PTPRN2: variants seen among roughly 807,000 people sequenced by gnomAD.
PTPRN2 encodes the protein receptor-type tyrosine-protein phosphatase N2.
Under a neutral mutation model 118.8 loss-of-function variants are expected in PTPRN2, and 74 were observed. The observed-to-expected ratio is 0.62, with a 90% confidence interval of 0.52 to 0.76. The LOEUF (loss-of-function observed/expected upper bound fraction) is 0.76. PTPRN2 is among the 30% of genes least tolerant of loss of function. The pLI, the probability that PTPRN2 is intolerant of heterozygous loss-of-function variation, is 0.00. For missense variants in PTPRN2, 1,481 were observed against 1,394.4 expected (o/e 1.06, Z -0.99); for synonymous variants, 641 against 608.0 (o/e 1.05, Z -0.80).
chr7:158,274,515 C>T (rs148335101), intron 3 of PTPRN2, among the ~76,000 whole-genome samples: 5 of 108,368 alleles, frequency 4.6e-5, no homozygotes, highest in African/African-American at 9.8e-5. Context: ...GCCACAGGCA[C>T]GGGGGAGCCG....
At chr7:158,238,151 C>A (rs1045920573) in intron 3 of PTPRN2, among the ~76,000 whole-genome samples, 10 of 152,092 alleles carry the variant, frequency 6.6e-5, no homozygotes, top group African/African-American at 2.4e-4. Flanking sequence ...CCGTGTCCGG[C>A]TCTGATTGGA....
chr7:158,248,428 CTTGT>C (rs1360680934), intron 3 of PTPRN2, among the ~76,000 whole-genome samples: 1 of 152,182 alleles, frequency 6.6e-6, no homozygotes, highest in African/African-American at 2.4e-5. Flanking sequence ...GGCCAGGAAG[CTTGT>C]TTCTCATTTA....
At chr7:157,896,919 C>T (rs1797164314) in intron 12 of PTPRN2, among the ~76,000 whole-genome samples, 1 of 152,114 alleles carries the variant, frequency 6.6e-6, no homozygotes, top group Admixed American at 6.5e-5. Context: ...CCAGAGTCTC[C>T]CATTCCCCGT....
At chr7:158,152,781 G>C (rs1237956850) in intron 6 of PTPRN2, among the ~76,000 whole-genome samples, 1 of 152,260 alleles carries the variant, frequency 6.6e-6, no homozygotes, top group Non-Finnish European at 1.5e-5. Flanking sequence ...CAAAAGAGCA[G>C]ACCAACAGAC....
intron 1 of PTPRN2, among the ~76,000 whole-genome samples, chr7:158,557,219 G>A (rs144010541): frequency 1.5e-3 from 202 of 133,374 alleles, no homozygotes; most frequent in African/African-American, 6.0e-3. Flanking sequence ...TCGCTCCCAC[G>A]CAGGTCAGAG....
rs1563131612 is a variant in PTPRN2, at chr7:158,319,509, C to CCT, written c.164-2578_164-2577insAG. On this transcript the variant is annotated intron_variant, in intron 2 of 22. Transcript: ENST00000389418. ...TCCCTCACACTCACACAGCCTCCCC[C>CCT]CACACACACAGCCTCCCTCACACAC... Among the ~76,000 whole-genome samples the CCT allele has an allele frequency of 4.5e-3, 168 of 37,042 alleles. 36 individuals are homozygous for CCT. Among genetic ancestry groups the CCT allele is most frequent in the African/African-American group, 0.02 (150 of 7,658 alleles). The allele number at this position is 37,042 out of a possible 152,430, so 24.3% of individuals were successfully genotyped here.
At chr7:158,056,018 C>A (rs187402909) in intron 11 of PTPRN2, among the ~76,000 whole-genome samples, 1 of 152,198 alleles carries the variant, frequency 6.6e-6, no homozygotes, top group African/African-American at 2.4e-5. Flanking sequence ...TGGGTGGAGT[C>A]CGGGCCGAGG....
intron 12 of PTPRN2, among the ~76,000 whole-genome samples, chr7:157,852,645 C>T (rs566955580): frequency 2.0e-5 from 3 of 152,110 alleles, no homozygotes; most frequent in Admixed American, 6.5e-5. Context: ...CTGAGAAGGG[C>T]GGATCACGAG....
chr7:158,323,796 T>C (rs1803230912), intron 2 of PTPRN2, among the ~76,000 whole-genome samples: 1 of 152,198 alleles, frequency 6.6e-6, no homozygotes, highest in African/African-American at 2.4e-5. Flanking sequence ...TCATATAGTC[T>C]GTGGGGCTGC....
At chr7:157,907,967 C>T (rs1464302827) in intron 11 of PTPRN2, among the ~76,000 whole-genome samples, 1 of 152,190 alleles carries the variant, frequency 6.6e-6, no homozygotes, top group Non-Finnish European at 1.5e-5. Flanking sequence ...ACCGACTTCC[C>T]CAAGCCTGTC....
chr7:158,108,230 C>G (rs1815846266), intron 10 of PTPRN2, among the ~76,000 whole-genome samples: 1 of 151,710 alleles, frequency 6.6e-6, no homozygotes, highest in Admixed American at 6.6e-5. Flanking sequence ...CTACAGCCCA[C>G]TCACCCACTA....
intron 18 of PTPRN2, among the ~76,000 whole-genome samples, chr7:157,577,364 T>C (rs1288418908): frequency 1.3e-5 from 2 of 152,220 alleles, no homozygotes; most frequent in Non-Finnish European, 2.9e-5. Flanking sequence ...CGCTTCCTGC[T>C]GTGGAGCTTT....
At chr7:157,614,498 G>A (rs1189468327) in intron 15 of PTPRN2, among the ~76,000 whole-genome samples, 2 of 152,198 alleles carry the variant, frequency 1.3e-5, no homozygotes, top group East Asian at 1.9e-4. Context: ...AACCCAAAAT[G>A]CAATGATGAA....
chr7:157,996,915 C>T (rs1273159864), intron 11 of PTPRN2, among the ~76,000 whole-genome samples: 1 of 152,184 alleles, frequency 6.6e-6, no homozygotes, highest in East Asian at 1.9e-4. Flanking sequence ...CATCCTAGGC[C>T]CGGGGCGGGT....
chr7:157,556,992 C>T (rs990155188), intron 21 of PTPRN2, among the ~76,000 whole-genome samples: 5 of 151,584 alleles, frequency 3.3e-5, no homozygotes, highest in Non-Finnish European at 5.9e-5. Flanking sequence ...CAATGTCATA[C>T]ATATGCACAT....
intron 4 of PTPRN2, among the ~76,000 whole-genome samples, chr7:158,197,028 A>ATGTGTG (rs139447211): frequency 1.3e-5 from 2 of 151,800 alleles, no homozygotes; most frequent in Admixed American, 6.6e-5. Context: ...ATATACATGT[A>ATGTGTG]TGTGTGTGTG....
intron 6 of PTPRN2, among the ~76,000 whole-genome samples, chr7:158,148,405 C>A (rs1173514717): frequency 9.8e-5 from 13 of 132,672 alleles, no homozygotes; most frequent in East Asian, 2.3e-4. Flanking sequence ...TCAATGACAC[C>A]CCATCTCACG....
chr7:158,339,993 C>T (rs1163476033), intron 2 of PTPRN2, among the ~76,000 whole-genome samples: 10 of 82,920 alleles, frequency 1.2e-4, no homozygotes, highest in Non-Finnish European at 2.3e-4. Context: ...CTGTCGCCCG[C>T]AGAAGTCACT....
At chr7:158,128,727 C>T (rs893244179) in intron 9 of PTPRN2, among the ~76,000 whole-genome samples, 87 of 152,268 alleles carry the variant, frequency 5.7e-4, no homozygotes, top group African/African-American at 2.0e-3. Flanking sequence ...TCCGGGTGAA[C>T]ACCTCGGCAT....
Sources: allele counts gnomAD v4.1 joint callset (sites outside exome capture counted in the v4.1 genomes callset), GRCh38; gene constraint gnomAD v4.1.1; transcripts MANE v1.5; gene names NCBI Gene and HGNC (gene_info 2026-07-23, HGNC 2026-07-21).